The following AGAP1 variants were observed in gnomAD, a reference collection of about 807,000 sequenced individuals.
The protein encoded by AGAP1 is ArfGAP with GTPase domain, ankyrin repeat and PH domain 1.
Under a neutral mutation model 105.3 loss-of-function variants are expected in AGAP1, and 29 were observed. The observed-to-expected ratio is 0.28, with a 90% CI of 0.21 to 0.38. The LOEUF (loss-of-function observed/expected upper bound fraction) is 0.38, where lower values mean the gene tolerates loss of function less well. Ranked by LOEUF, AGAP1 falls within the 10% of genes least tolerant of loss-of-function variation. AGAP1 has a pLI of 1.00. For synonymous variants in AGAP1, 509 were observed against 485.9 expected, an observed-to-expected ratio of 1.05 and a Z score of -0.63; for missense variants, 998 against 1,165.1, an observed-to-expected ratio of 0.86 and a Z score of 2.09.
intron 9 of AGAP1, among the ~76,000 whole-genome samples, chr2:235,833,588 TC>T (rs1393494714): frequency 1.3e-5 from 2 of 151,318 alleles, no homozygotes; most frequent in Non-Finnish European, 2.9e-5. Context: ...ATCCCACCTA[TC>T]CTGGCTTCCA....
In AGAP1 at chr2:235,551,225, C is replaced by T. The variant is rs1215062718; in HGVS notation, c.163+56376C>T. 6.6e-6 allele frequency among the ~76,000 whole-genome samples: 1 copy of T among 152,296 alleles called. No homozygotes were observed. Among genetic ancestry groups the T allele is most frequent in the East Asian group, 1.9e-4 (1 of 5,174 alleles). ...ACCCGGGAAAGGTCTTCATGTCTCA[C>T]TTGTATGCCTTCTTGGATCAGGATT... On this transcript the variant is annotated intron_variant, in intron 1 of 17. Coordinates refer to ENST00000304032, the MANE Select transcript of AGAP1 (RefSeq NM_001037131.3). The surrounding 1 kb of genome is among the most constrained non-coding windows in gnomAD (Gnocchi z 4.8).
chr2:235,825,867 G>A, intron 9 of AGAP1, among the ~76,000 whole-genome samples: 1 of 152,136 alleles, frequency 6.6e-6, no homozygotes, highest in African/African-American at 2.4e-5. Context: ...GAGTGTCATT[G>A]GATTGTTTGT....
intron 4 of AGAP1, among the ~76,000 whole-genome samples, chr2:235,743,413 C>T (rs1158655292): frequency 6.6e-6 from 1 of 152,020 alleles, no homozygotes; most frequent in Non-Finnish European, 1.5e-5. Context: ...GTCTGCTCCT[C>T]CTGCTTTCTT....
At chr2:235,502,700 C>CTTT (rs5839594) in intron 1 of AGAP1, among the ~76,000 whole-genome samples, 310 of 110,942 alleles carry the variant, frequency 2.8e-3, no homozygotes, top group East Asian at 0.023. Context: ...TTTTATTTGC[C>CTTT]TTTTTTTTTT....
intron 1 of AGAP1, among the ~76,000 whole-genome samples, chr2:235,644,848 G>A (rs1041763872): frequency 4.6e-5 from 7 of 152,004 alleles, no homozygotes; most frequent in Non-Finnish European, 8.8e-5. Context: ...GATGACTTGC[G>A]TAGATTGCAT....
At chr2:235,886,547 C>T (rs2124863455) in intron 10 of AGAP1, among the ~76,000 whole-genome samples, 1 of 152,318 alleles carries the variant, frequency 6.6e-6, no homozygotes, top group South Asian at 2.1e-4. Flanking sequence ...TTTGCCAATT[C>T]CATCCTTTCT....
intron 1 of AGAP1, among the ~76,000 whole-genome samples, chr2:235,523,501 A>G (rs1033312024): frequency 6.6e-6 from 1 of 152,152 alleles, no homozygotes; most frequent in Non-Finnish European, 1.5e-5. Flanking sequence ...GGTGCCTGGC[A>G]GGGTCAGCTG....
chr2:235,564,965 C>A (rs955849986), intron 1 of AGAP1, among the ~76,000 whole-genome samples: 1 of 150,354 alleles, frequency 6.7e-6, no homozygotes, highest in Non-Finnish European at 1.5e-5. Flanking sequence ...CCACCCATGG[C>A]CAGGTGTGAG....
chr2:235,797,356 G>A (rs1210514638), intron 6 of AGAP1, among the ~76,000 whole-genome samples: 1 of 152,088 alleles, frequency 6.6e-6, no homozygotes, highest in Non-Finnish European at 1.5e-5. Flanking sequence ...TCTCCCATGT[G>A]GCTCCTGTTC....
chr2:235,644,571 A>C lies in AGAP1; in HGVS notation c.164-64608A>C, dbSNP rs1174590907. Among the ~76,000 whole-genome samples the C allele has an allele frequency of 2.6e-5, 4 of 152,268 alleles. No individual in the cohort carries two copies. In the East Asian group the frequency reaches 7.8e-4, roughly 30 times the overall value. ...ACTGGAGACCAACCATTTTCTCTGC[A>C]CTTGGAGGGAACCATTCAAACATCC... On this transcript the variant is annotated intron_variant, in intron 1 of 17. Transcript: ENST00000304032.
chr2:236,066,372 C>T (rs1003984537), intron 16 of AGAP1, among the ~76,000 whole-genome samples: 1 of 152,136 alleles, frequency 6.6e-6, no homozygotes, highest in Non-Finnish European at 1.5e-5. Context: ...ACTACAGACA[C>T]CTGCCACCAC....
intron 9 of AGAP1, chr2:235,852,999 C>T (rs865991252): frequency 1.1e-5 from 14 of 1,248,358 alleles, no homozygotes; most frequent in Middle Eastern, 3.1e-4. Flanking sequence ...AGAAATGGAG[C>T]GCTCCTCCAG....
At chr2:235,738,191 T>A (rs1023638171) in intron 3 of AGAP1, among the ~76,000 whole-genome samples, 3 of 151,920 alleles carry the variant, frequency 2.0e-5, no homozygotes. Flanking sequence ...TTTCAATGAA[T>A]GTGAGGGGTA....
intron 13 of AGAP1, among the ~76,000 whole-genome samples, chr2:236,029,185 T>G (rs1015448220): frequency 1.3e-4 from 20 of 150,412 alleles, no homozygotes; most frequent in Non-Finnish European, 2.8e-4. Context: ...TTTATTTAGT[T>G]TTTTTTTTTT....
intron 1 of AGAP1, among the ~76,000 whole-genome samples, chr2:235,496,003 CT>C (rs1199445024): frequency 6.6e-6 from 1 of 152,246 alleles, no homozygotes; most frequent in Non-Finnish European, 1.5e-5. Flanking sequence ...GCCCAGCCTC[CT>C]CCCTCTGTGA....
chr2:235,817,636 A>G (rs962084291), intron 9 of AGAP1, among the ~76,000 whole-genome samples: 1 of 152,174 alleles, frequency 6.6e-6, no homozygotes, highest in African/African-American at 2.4e-5. Flanking sequence ...CATGCCTGTA[A>G]TCCCAGCACT....
intron 1 of AGAP1, chr2:235,669,666 G>C (rs1948265252): frequency 6.7e-6 from 1 of 148,698 alleles, no homozygotes; most frequent in Non-Finnish European, 1.5e-5. Context: ...GCCGCAGCCG[G>C]TGCAGCTGTC....
intron 16 of AGAP1, among the ~76,000 whole-genome samples, chr2:236,093,187 A>T (rs2059108049): frequency 6.6e-6 from 1 of 152,334 alleles, no homozygotes; most frequent in Non-Finnish European, 1.5e-5. Context: ...TCATCAACTG[A>T]AGCTGCACCC....
In AGAP1 at chr2:235,992,246, A is replaced by G. The variant is rs1005011293; in HGVS notation, c.1645+23623A>G. Reference sequence around the variant, plus strand: ...TGCGTGGTTAGGAGCGCAGCGGAGGAGCCGGTCTTCCTGGGTTTGAGTTGC... The same window carrying G: ...TGCGTGGTTAGGAGCGCAGCGGAGGGGCCGGTCTTCCTGGGTTTGAGTTGC... On this transcript the variant is annotated intron_variant, in intron 13 of 17. Coordinates refer to ENST00000304032, the MANE Select transcript of AGAP1 (RefSeq NM_001037131.3). This position sits in a 1 kb window ranked among gnomAD's most constrained non-coding sequence, Gnocchi z 4.8. Among the ~76,000 whole-genome samples, 1 of 152,046 alleles carries G rather than the reference A, an allele frequency of 6.6e-6. No individual in the cohort carries two copies. Among genetic ancestry groups the G allele is most frequent in the Non-Finnish European group, 1.5e-5 (1 of 68,016 alleles).
Sources: gnomAD v4.1 joint callset for allele counts (sites outside exome capture counted in the v4.1 genomes callset) on GRCh38, gnomAD v4.1.1 for gene constraint, Gnocchi (gnomAD v3.1) non-coding constraint, MANE v1.5 for transcripts, NCBI Gene and HGNC (gene_info 2026-07-23, HGNC 2026-07-21) for gene names.